Variants in ASIC5 observed in about 807,000 individuals in gnomAD.
ASIC5 encodes the protein bile acid-sensitive ion channel.
In ASIC5, 52 loss-of-function variants were observed where a neutral mutation model predicts 51.2. That is an observed-to-expected ratio of 1.02 (90% confidence interval 0.81 to 1.28). The LOEUF is 1.28. Ranked by LOEUF, ASIC5 falls within the 50% of genes most tolerant of loss-of-function variation. The probability of loss-of-function intolerance (pLI) is 0.00; values close to 1 mark genes in which losing one functional copy is unlikely to be tolerated. For missense variants in ASIC5, 635 were observed against 595.0 expected, an observed-to-expected ratio of 1.07 and a Z score of -0.70; for synonymous variants, 231 against 200.7, an observed-to-expected ratio of 1.15 and a Z score of -1.28.
intron 8 of ASIC5, among the ~76,000 whole-genome samples, chr4:155,834,592 T>C (rs1210710168): frequency 6.6e-6 from 1 of 152,128 alleles, no homozygotes; most frequent in Non-Finnish European, 1.5e-5. Context: ...ATAGGATTAA[T>C]TGGATAATAA....
chr4:155,850,329 G>T (rs1048897099), intron 4 of ASIC5, among the ~76,000 whole-genome samples: 3 of 151,932 alleles, frequency 2.0e-5, no homozygotes, highest in African/African-American at 7.2e-5. Context: ...CCTGCTTCAA[G>T]TTGTCCCCAC....
At chr4:155,858,330 T>C (rs1052029533) in intron 2 of ASIC5, among the ~76,000 whole-genome samples, 3 of 152,112 alleles carry the variant, frequency 2.0e-5, no homozygotes, top group African/African-American at 4.8e-5. Context: ...AAAGAAACTT[T>C]TGAAAATTAA....
intron 6 of ASIC5, among the ~76,000 whole-genome samples, chr4:155,840,602 T>A (rs1741094630): frequency 6.6e-6 from 1 of 151,748 alleles, no homozygotes; most frequent in Non-Finnish European, 1.5e-5. Context: ...TTCTTGGGCG[T>A]TCGCTGAACT....
At chr4:155,863,814 T>C (rs1420794316) in intron 1 of ASIC5, 60 bp from the exon 2 acceptor site, 2 of 1,381,636 alleles carry the variant, frequency 1.4e-6, no homozygotes, top group African/African-American at 2.9e-5. Context: ...ACCTTAATGC[T>C]ATCCGTAAAA....
At chr4:155,861,740 G>C (rs1741712476) in intron 2 of ASIC5, among the ~76,000 whole-genome samples, 1 of 151,770 alleles carries the variant, frequency 6.6e-6, no homozygotes, top group African/African-American at 2.4e-5. Flanking sequence ...TATGCCTTTT[G>C]TCCTAAGTAT....
At position 155,836,849 on chromosome 4, in the gene ASIC5, C is replaced by T. The variant is rs373040985; in HGVS notation, c.1075G>A (p.Glu359Lys). Reference protein sequence around the residue: ...SCVSPVLDHIEFKDLCTVGTH... With the variant: ...SCVSPVLDHIKFKDLCTVGTH... ...CCTACTGTACATAAATCCTTAAATT[C>T]AATGTGGTCTGAAATGAAAATCAGG... The change falls in exon 8 of 10, where the codon GAA (glutamate) becomes AAA (lysine). Residue 359 changes from glutamate (E) to lysine (K), a missense_variant. By Grantham distance (56) the Glu-to-Lys change is moderately conservative. Coordinates refer to ENST00000537611, the MANE Select transcript of ASIC5 (RefSeq NM_017419.3). The T allele has an allele frequency of 3.8e-5, 60 of 1,589,370 alleles. No individual in the cohort carries two copies. The highest frequency in any genetic ancestry group is 4.3e-5 in the Non-Finnish European group (50 of 1,166,108).
intron 2 of ASIC5, among the ~76,000 whole-genome samples, chr4:155,855,127 G>C (rs76998140): frequency 0.016 from 2,495 of 152,058 alleles, 59 homozygotes; most frequent in African/African-American, 0.056. Flanking sequence ...TGTCATTCAT[G>C]GTGATTCTGT....
At chr4:155,848,356 G>A (rs1579291321) in intron 4 of ASIC5, among the ~76,000 whole-genome samples, 1 of 152,008 alleles carries the variant, frequency 6.6e-6, no homozygotes, top group South Asian at 2.1e-4. Context: ...GTCCAAAAAT[G>A]ACATAATTTG....
At chr4:155,845,011 G>A (rs1253754390) in intron 4 of ASIC5, among the ~76,000 whole-genome samples, 1 of 151,882 alleles carries the variant, frequency 6.6e-6, no homozygotes, top group Non-Finnish European at 1.5e-5. Context: ...TCCAACACGT[G>A]TCCCAACTTG....
intron 1 of ASIC5, chr4:155,865,109 T>C (rs1365909213): frequency 6.6e-6 from 1 of 151,980 alleles, no homozygotes; most frequent in Non-Finnish European, 1.5e-5. Flanking sequence ...ATTAACATTT[T>C]CTAAGGGAGT....
At chr4:155,847,220 A>G (rs966078846) in intron 4 of ASIC5, among the ~76,000 whole-genome samples, 4 of 152,190 alleles carry the variant, frequency 2.6e-5, no homozygotes, top group East Asian at 1.9e-4. Context: ...TTTGCTTAGG[A>G]AAAAAACTGA....
chr4:155,836,546 A>G (rs1233904901), intron 8 of ASIC5, 143 bp downstream of exon 8: 1 of 516,392 alleles, frequency 1.9e-6, no homozygotes, highest in Non-Finnish European at 3.5e-6. Context: ...TTAAAATTCT[A>G]TGGTTTCATT....
At chr4:155,831,975 G>C in intron 8 of ASIC5, 60 bp from the exon 9 acceptor site, 1 of 866,534 alleles carries the variant, frequency 1.2e-6, no homozygotes, top group Non-Finnish European at 1.8e-6. Context: ...TTTAATTCCC[G>C]TCGAATAAAG....
intron 2 of ASIC5, among the ~76,000 whole-genome samples, chr4:155,856,526 G>A (rs1349021136): frequency 6.6e-6 from 1 of 152,066 alleles, no homozygotes; most frequent in Non-Finnish European, 1.5e-5. Context: ...CTAAAACTCT[G>A]TAAATATCCT....
Position 155,863,495 on chromosome 4 carries a change from A to C in ASIC5, c.300T>G (p.Tyr100Ter). 6.2e-7 allele frequency: 1 copy of C among 1,613,712 alleles called. No individual in the cohort carries two copies. The highest frequency in any genetic ancestry group is 1.3e-5 in the African/African-American group (1 of 75,032). Residue 100 changes from tyrosine (Y) to a stop codon, truncating the protein, a stop_gained, in exon 2 of 10, where the codon TAT (tyrosine) becomes TAG (stop). Transcript: ENST00000537611. LOFTEE classifies it high-confidence loss of function. ...WPTTTSIEVQ[Y>*]VEKMEFPAVT... ...CAGCTGGGAACTCCATCTTTTCCACATATTGAACCTCAATGGACGTTGTGG... is the reference window on the plus strand; with the variant it reads ...CAGCTGGGAACTCCATCTTTTCCACCTATTGAACCTCAATGGACGTTGTGG...
At position 155,863,613 on chromosome 4, in the gene ASIC5, C is replaced by T. The variant is rs144591256; in HGVS notation, c.182G>A (p.Arg61His). Residue 61 changes from arginine (R) to histidine (H), a missense_variant, in exon 2 of 10, where the codon CGC becomes CAC. Transcript: ENST00000537611. ...AACCACCACCAACCAGAGCACCCTG[C>T]GAATTTTGCTCCGGTTCTGAACAAT... ...HNIVQNRSKI[R>H]RVLWLVVVLG... The T allele has an allele frequency of 9.2e-5, 149 of 1,613,614 alleles. No individual in the cohort carries two copies. Among genetic ancestry groups the T allele is most frequent in the Non-Finnish European group, 9.7e-5 (114 of 1,179,908 alleles).
intron 9 of ASIC5, 91 bp from the exon 10 acceptor site, chr4:155,830,137 C>A: frequency 1.3e-6 from 1 of 794,202 alleles, no homozygotes; most frequent in South Asian, 2.1e-5. Context: ...AAAATAGAGT[C>A]ATAACTGAGA....
intron 7 of ASIC5, among the ~76,000 whole-genome samples, chr4:155,838,395 T>C (rs924063207): frequency 5.3e-5 from 8 of 152,322 alleles, no homozygotes; most frequent in African/African-American, 1.9e-4. Context: ...AAAAATTTTA[T>C]ATGCCAAGTG....
intron 4 of ASIC5, among the ~76,000 whole-genome samples, chr4:155,849,864 C>T (rs1350028174): frequency 1.3e-5 from 2 of 152,040 alleles, no homozygotes; most frequent in Non-Finnish European, 2.9e-5. Flanking sequence ...TCATACCTGC[C>T]TACTGATGTA....
Sources: allele counts gnomAD v4.1 joint callset (sites outside exome capture counted in the v4.1 genomes callset), GRCh38; gene constraint gnomAD v4.1.1; transcripts MANE v1.5; gene names NCBI Gene and HGNC (gene_info 2026-07-23, HGNC 2026-07-21).